TOGARAM1: variants seen among roughly 807,000 people sequenced by gnomAD.
TOGARAM1 encodes TOG array regulator of axonemal microtubules 1, also known as TOG array regulator of axonemal microtubules protein 1.
In TOGARAM1, 100 loss-of-function variants were observed where a neutral mutation model predicts 166.6. The observed-to-expected ratio is 0.60, with a 90% CI of 0.51 to 0.71. The LOEUF is 0.71. TOGARAM1 is among the 30% of genes least tolerant of loss of function. The pLI is 0.00. For synonymous variants in TOGARAM1, 758 were observed against 763.8 expected (o/e 0.99, Z 0.13); for missense variants, 2,029 against 2,102.7 (o/e 0.96, Z 0.69).
chr14:44,978,042 A>C (rs145536288), intron 1 of TOGARAM1, among the ~76,000 whole-genome samples: 3 of 152,294 alleles, frequency 2.0e-5, no homozygotes, highest in African/African-American at 7.2e-5. Context: ...CTAACATGAG[A>C]TTTTGAGGAT....
intron 14 of TOGARAM1, among the ~76,000 whole-genome samples, chr14:45,048,968 C>T (rs1413567473): frequency 7.4e-6 from 1 of 135,782 alleles, no homozygotes; most frequent in Non-Finnish European, 1.5e-5. Context: ...CAGAGTGGGA[C>T]AGAGGGTTGA....
chr14:45,049,763 T>G (rs927241563), intron 14 of TOGARAM1, among the ~76,000 whole-genome samples: 2 of 152,096 alleles, frequency 1.3e-5, no homozygotes, highest in African/African-American at 2.4e-5. Context: ...TCAAAAAAAT[T>G]CAAGAGGGTT....
At chr14:45,044,042 C>T (rs1318665068) in intron 12 of TOGARAM1, among the ~76,000 whole-genome samples, 1 of 152,092 alleles carries the variant, frequency 6.6e-6, no homozygotes, top group Non-Finnish European at 1.5e-5. Context: ...CGGAGTCTTG[C>T]TCTGTTGCCC....
rs1887208541 is a variant in TOGARAM1 at position 44,992,673 on chromosome 14, A to AG, written c.2047-3072dup. On this transcript the variant is annotated intron_variant, in intron 1 of 19. Coordinates refer to ENST00000361462, the MANE Select transcript of TOGARAM1 (RefSeq NM_001308120.2). ...CCCTCTGCCTCCCAGGCTGGAGTGC[A>AG]GTGGCGCGATCCTGGCTCACTGCAA... Among the ~76,000 whole-genome samples, 3 of 127,980 alleles carry AG rather than the reference A, an allele frequency of 2.3e-5. No homozygotes were observed. In the Admixed American group the frequency reaches 3.0e-4, roughly 13 times the overall value. The allele number at this position is 127,980 out of a possible 152,430, so 84.0% of individuals were successfully genotyped here. A position where few individuals can be genotyped will look rare whatever the true frequency, so the allele number is the denominator to read the frequency against.
At position 44,995,806 on chromosome 14, in the gene TOGARAM1, A is replaced by G. The variant is rs1389360287; in HGVS notation, c.2107A>G (p.Asn703Asp). The G allele has an allele frequency of 6.2e-7, 1 of 1,605,900 alleles. No individual in the cohort carries two copies. The highest frequency in any genetic ancestry group is 8.5e-7 in the Non-Finnish European group (1 of 1,177,126). ...AAAGCTTTCTCAAGGAATGCCAGTCAATGATGATTTATGTTTTAGCAGAAA... is the reference window on the plus strand; with the variant it reads ...AAAGCTTTCTCAAGGAATGCCAGTCGATGATGATTTATGTTTTAGCAGAAA... ...KLKLSQGMPV[N>D]DDLCFSRKRV... The change falls in exon 2 of 20, where the codon AAT (asparagine) becomes GAT (aspartate). Residue 703 changes from asparagine (N) to aspartate (D), a missense_variant. Asn to Asp is a conservative substitution (Grantham distance 23, BLOSUM62 1). Coordinates refer to ENST00000361462, the MANE Select transcript of TOGARAM1 (RefSeq NM_001308120.2).
At chr14:45,011,071 TA>T (rs1280409807) in intron 6 of TOGARAM1, among the ~76,000 whole-genome samples, 3 of 152,336 alleles carry the variant, frequency 2.0e-5, no homozygotes, top group African/African-American at 7.2e-5. Context: ...CTTACTGATT[TA>T]AAACAGTTCC....
chr14:45,010,052 T>C (rs1879699506), intron 6 of TOGARAM1, among the ~76,000 whole-genome samples: 1 of 152,238 alleles, frequency 6.6e-6, no homozygotes, highest in Non-Finnish European at 1.5e-5. Flanking sequence ...TTTTTTTCCT[T>C]TGATTTAATC....
chr14:45,066,446 G>T, intron 16 of TOGARAM1, 132 bp from the exon 17 acceptor site: 1 of 709,646 alleles, frequency 1.4e-6, no homozygotes, highest in Non-Finnish European at 2.2e-6. Context: ...TGTGGCTATG[G>T]GTTAGCCACA....
intron 11 of TOGARAM1, among the ~76,000 whole-genome samples, chr14:45,042,952 T>C (rs1208043025): frequency 6.6e-6 from 1 of 152,226 alleles, no homozygotes; most frequent in East Asian, 1.9e-4. Flanking sequence ...AGGAGATTAA[T>C]GTTGTTTTCA....
At chr14:45,035,116 G>A (rs1881355504) in intron 11 of TOGARAM1, among the ~76,000 whole-genome samples, 1 of 152,192 alleles carries the variant, frequency 6.6e-6, no homozygotes, top group South Asian at 2.1e-4. Context: ...GAAAAGATTA[G>A]TGAAGTTGAA....
At position 44,964,373 on chromosome 14, in the gene TOGARAM1, G is replaced by A. The variant is rs767532812; in HGVS notation, c.1952G>A (p.Ser651Asn). The A allele has an allele frequency of 1.2e-6, 2 of 1,613,716 alleles. No individual in the cohort carries two copies. Among genetic ancestry groups the A allele is most frequent in the African/African-American group, 2.7e-5 (2 of 74,902 alleles). The change falls in exon 1 of 20, where the codon AGT (serine) becomes AAT (asparagine). Residue 651 changes from serine to asparagine, a missense_variant. Coordinates refer to ENST00000361462, the MANE Select transcript of TOGARAM1 (RefSeq NM_001308120.2). ...ACTATCTGTACCCGAAGGGTATTAA[G>A]TGCAGGAAAAGGAAAAAATAAATTA... ...SPTICTRRVL[S>N]AGKGKNKLPW...
chr14:45,016,059 A>ATT (rs1332291281), intron 7 of TOGARAM1, among the ~76,000 whole-genome samples: 1 of 151,846 alleles, frequency 6.6e-6, no homozygotes, highest in African/African-American at 2.4e-5. Flanking sequence ...GATTAAAAAA[A>ATT]ATTTTTTTTT....
intron 1 of TOGARAM1, among the ~76,000 whole-genome samples, chr14:44,971,303 T>G (rs1175524995): frequency 6.6e-6 from 1 of 152,208 alleles, no homozygotes; most frequent in Non-Finnish European, 1.5e-5. Flanking sequence ...TTTCAAGGAA[T>G]TGATCCATTT....
chr14:45,058,706 G>A (rs1882764569), intron 16 of TOGARAM1, among the ~76,000 whole-genome samples: 1 of 152,136 alleles, frequency 6.6e-6, no homozygotes, highest in South Asian at 2.1e-4. Context: ...TTGCCAATCT[G>A]TAACTTTTAA....
chr14:45,041,303 A>G (rs910823026), intron 11 of TOGARAM1, among the ~76,000 whole-genome samples: 1 of 151,896 alleles, frequency 6.6e-6, no homozygotes, highest in Non-Finnish European at 1.5e-5. Flanking sequence ...CCAGAGGCTG[A>G]GGCAGGAGAA....
intron 1 of TOGARAM1, among the ~76,000 whole-genome samples, chr14:44,989,254 TG>T (rs1887008546): frequency 6.6e-6 from 1 of 152,238 alleles, no homozygotes; most frequent in Admixed American, 6.5e-5. Flanking sequence ...TTATTTTATT[TG>T]GCTTTTGGAA....
intron 16 of TOGARAM1, 61 bp downstream of exon 16, chr14:45,054,610 G>A: frequency 8.1e-7 from 1 of 1,233,196 alleles, no homozygotes; most frequent in Non-Finnish European, 1.1e-6. Context: ...AGTCTCATTT[G>A]GATGTTTTCA....
chr14:45,072,613 T>C (rs1883434450), intron 19 of TOGARAM1, among the ~76,000 whole-genome samples: 1 of 151,924 alleles, frequency 6.6e-6, no homozygotes, highest in Non-Finnish European at 1.5e-5. Context: ...TTAGTAGAGA[T>C]GGGGCTTCAC....
chr14:45,006,422 A>G (rs1037931678), intron 5 of TOGARAM1, 155 bp downstream of exon 5: 2 of 579,098 alleles, frequency 3.5e-6, no homozygotes, highest in Non-Finnish European at 5.8e-6. Context: ...ATGAATTAGT[A>G]GGAAGGGAAT....
Sources: gnomAD v4.1 joint callset for allele counts (sites outside exome capture counted in the v4.1 genomes callset) on GRCh38, gnomAD v4.1.1 for gene constraint, MANE v1.5 for transcripts, NCBI Gene and HGNC (gene_info 2026-07-23, HGNC 2026-07-21) for gene names.